The following NDUFA10 variants were observed in gnomAD, a reference collection of about 807,000 sequenced individuals.
The protein encoded by NDUFA10 is NADH:ubiquinone oxidoreductase subunit A10, also known as NADH dehydrogenase [ubiquinone] 1 alpha subcomplex subunit 10, mitochondrial.
A neutral mutation model predicts 47.8 loss-of-function variants in NDUFA10; 40 were observed. The observed-to-expected ratio is 0.84, with a 90% CI of 0.65 to 1.09. The LOEUF (loss-of-function observed/expected upper bound fraction) is 1.09. Among genes scored for constraint, NDUFA10 ranks in the 50% least tolerant of loss-of-function variants. The pLI is 0.00. For missense variants in NDUFA10, 413 were observed against 451.1 expected (o/e 0.92, Z 0.76); for synonymous variants, 183 against 172.2 (o/e 1.06, Z -0.49).
Position 239,950,883 on chromosome 2 carries a change from C to T in NDUFA10, c.294+39191G>A, listed in dbSNP as rs114833987. Among the ~76,000 whole-genome samples the T allele has an allele frequency of 4.7e-3, 711 of 152,334 alleles. 8 individuals carry two copies. Among genetic ancestry groups the T allele is most frequent in the African/African-American group, 0.016 (655 of 41,572 alleles). ...GTTGTGTGACACTGTCCAACAATTA[C>T]GGGGCAATTGTTCCCACTGCTCCCA... On this transcript the variant is annotated intron_variant, in intron 4 of 5. Transcript: ENST00000419408.
intron 4 of NDUFA10, among the ~76,000 whole-genome samples, chr2:240,015,168 G>C (rs938977790): frequency 6.6e-6 from 1 of 152,200 alleles, no homozygotes; most frequent in Non-Finnish European, 1.5e-5. Flanking sequence ...TACTTACACA[G>C]AGTAAAACAG....
chr2:239,894,487 A>C (rs1366551801), intron 5 of NDUFA10, among the ~76,000 whole-genome samples: 1 of 151,484 alleles, frequency 6.6e-6, no homozygotes, highest in Admixed American at 6.6e-5. Flanking sequence ...CCTCCTCTGG[A>C]TCTCCCTCTC....
At chr2:239,962,677 A>C (rs536864088) in intron 9 of NDUFA10, among the ~76,000 whole-genome samples, 2 of 152,284 alleles carry the variant, frequency 1.3e-5, no homozygotes, top group African/African-American at 4.8e-5. Context: ...AAAGAGGTCT[A>C]ATTGGCTCAT....
At chr2:239,894,078 G>A (rs1310046172) in intron 5 of NDUFA10, among the ~76,000 whole-genome samples, 7 of 139,016 alleles carry the variant, frequency 5.0e-5, no homozygotes, top group Non-Finnish European at 6.1e-5. Flanking sequence ...CCTGCCTTCC[G>A]TCCTCAGCTC....
At chr2:239,980,742 A>G (rs535032626) in intron 9 of NDUFA10, among the ~76,000 whole-genome samples, 2 of 152,214 alleles carry the variant, frequency 1.3e-5, no homozygotes, top group Non-Finnish European at 2.9e-5. Context: ...GCTAAGAAGG[A>G]AGAGTGAGTG....
intron 6 of NDUFA10, 125 bp downstream of exon 6, chr2:240,011,492 G>C (rs968525826): frequency 4.0e-6 from 3 of 753,666 alleles, no homozygotes; most frequent in Non-Finnish European, 7.1e-6. Context: ...ATAAACATCA[G>C]ATTAAACATC....
intron 4 of NDUFA10, among the ~76,000 whole-genome samples, chr2:239,909,678 T>C (rs1392368808): frequency 2.0e-5 from 3 of 151,324 alleles, no homozygotes; most frequent in Admixed American, 6.6e-5. Flanking sequence ...ATTCAGGACA[T>C]AGGCATGGGC....
intron 2 of NDUFA10, 122 bp downstream of exon 2, chr2:240,022,050 C>T: frequency 1.3e-6 from 1 of 772,740 alleles, no homozygotes; most frequent in Non-Finnish European, 1.7e-6. Context: ...GTGAAATACC[C>T]ACCTTAGGCC....
chr2:239,952,095 G>A (rs1003418858), intron 4 of NDUFA10, among the ~76,000 whole-genome samples: 6 of 152,182 alleles, frequency 3.9e-5, no homozygotes. Context: ...TGAGCCCACG[G>A]GATGAACCAG....
At chr2:240,013,056 T>C (rs1435825991) in intron 5 of NDUFA10, 2 of 152,274 alleles carry the variant, frequency 1.3e-5, no homozygotes, top group African/African-American at 2.4e-5. Flanking sequence ...TCTAGTGTAA[T>C]ATAAGCCCAT....
At chr2:240,007,958 A>G (rs1186450108) in intron 6 of NDUFA10, among the ~76,000 whole-genome samples, 2 of 152,236 alleles carry the variant, frequency 1.3e-5, no homozygotes, top group Non-Finnish European at 2.9e-5. Context: ...ATACAGGGTA[A>G]GTAAATACTC....
chr2:239,984,805 C>T (rs1695930397), intron 9 of NDUFA10, among the ~76,000 whole-genome samples: 1 of 152,262 alleles, frequency 6.6e-6, no homozygotes, highest in South Asian at 2.1e-4. Context: ...GAGGCGCTCC[C>T]TGGTCCCACC....
At chr2:239,991,429 T>C (rs1696244367) in intron 8 of NDUFA10, among the ~76,000 whole-genome samples, 2 of 152,214 alleles carry the variant, frequency 1.3e-5, no homozygotes, top group Admixed American at 6.5e-5. Context: ...GTAATGTACA[T>C]ACTTACAGAT....
chr2:239,911,308 G>C (rs188228419), intron 4 of NDUFA10, among the ~76,000 whole-genome samples: 1 of 152,132 alleles, frequency 6.6e-6, no homozygotes, highest in East Asian at 1.9e-4. Context: ...CCCCCAGGGC[G>C]GCAGGCGACT....
At chr2:239,955,166 T>A (rs954643507), downstream of NDUFA10, among the ~76,000 whole-genome samples, 1 of 152,148 alleles carries the variant, frequency 6.6e-6, no homozygotes, top group African/African-American at 2.4e-5. Context: ...ATACAAATAC[T>A]ATGGATAGAA....
At chr2:240,018,403 T>A in intron 4 of NDUFA10, 150 bp downstream of exon 4, 1 of 1,548,822 alleles carries the variant, frequency 6.5e-7, no homozygotes. Flanking sequence ...ACTTAGGAAG[T>A]TCCTTTTTCC....
At chr2:239,893,324 C>T (rs955409864) in intron 5 of NDUFA10, among the ~76,000 whole-genome samples, 4 of 152,136 alleles carry the variant, frequency 2.6e-5, no homozygotes, top group Admixed American at 1.3e-4. Context: ...CATGTGCCCA[C>T]CTCTGAGCCA....
chr2:240,015,393 A>G (rs1697308185), intron 4 of NDUFA10, among the ~76,000 whole-genome samples: 3 of 152,254 alleles, frequency 2.0e-5, no homozygotes, highest in South Asian at 4.1e-4. Context: ...TCTTCACAGT[A>G]ATAATAGATA....
At chr2:239,936,435 G>A (rs13019067) in intron 4 of NDUFA10, among the ~76,000 whole-genome samples, 48,751 of 152,096 alleles carry the variant, frequency 0.32, 7,966 homozygotes, top group Non-Finnish European at 0.35. Flanking sequence ...CTGAAACGGT[G>A]GATACGTGTC....
Sources: allele counts gnomAD v4.1 joint callset (sites outside exome capture counted in the v4.1 genomes callset), GRCh38; gene constraint gnomAD v4.1.1; transcripts MANE v1.5; gene names NCBI Gene and HGNC (gene_info 2026-07-23, HGNC 2026-07-21).